Variants in GPR39 observed in about 807,000 individuals in gnomAD.
GPR39 encodes G protein-coupled receptor 39.
A neutral mutation model predicts 18.4 loss-of-function variants in GPR39; 23 were observed. That is an observed-to-expected ratio of 1.25 (90% CI 0.90 to 1.77). GPR39 has a LOEUF of 1.77. Ranked by LOEUF, GPR39 falls within the 40% of genes most tolerant of loss-of-function variation. GPR39 has a pLI of 0.00. For synonymous variants in GPR39, 280 were observed against 257.9 expected (o/e 1.09, Z -0.82); for missense variants, 647 against 602.4 (o/e 1.07, Z -0.78).
At chr2:132,494,367 C>G (rs1204341277) in intron 1 of GPR39, among the ~76,000 whole-genome samples, 2 of 152,130 alleles carry the variant, frequency 1.3e-5, no homozygotes, top group African/African-American at 4.8e-5. Flanking sequence ...CAGTAAAATC[C>G]AGGGTCCATG....
At chr2:132,418,018 C>T in intron 1 of GPR39, 120 bp downstream of exon 1, 1 of 1,278,422 alleles carries the variant, frequency 7.8e-7, no homozygotes, top group Non-Finnish European at 1.1e-6. Context: ...CTTAAGTTTA[C>T]TAAGGTGGAA....
At chr2:132,424,122 C>G (rs969145508) in intron 1 of GPR39, among the ~76,000 whole-genome samples, 7 of 152,096 alleles carry the variant, frequency 4.6e-5, no homozygotes, top group African/African-American at 1.7e-4. Context: ...CTAATCAGAC[C>G]CTGAATGTTA....
intron 1 of GPR39, chr2:132,418,667 T>G (rs1247777055): frequency 6.6e-6 from 1 of 152,224 alleles, no homozygotes; most frequent in Admixed American, 6.5e-5. Context: ...GTATTTAAAG[T>G]TGAGGCCTCG....
intron 1 of GPR39, among the ~76,000 whole-genome samples, chr2:132,543,745 C>T (rs574843903): frequency 1.3e-5 from 2 of 152,142 alleles, no homozygotes; most frequent in Admixed American, 1.3e-4. Flanking sequence ...CTGAACTGAA[C>T]TGGGGTCTCC....
At chr2:132,491,211 C>T (rs62167447) in intron 1 of GPR39, among the ~76,000 whole-genome samples, 3,763 of 152,114 alleles carry the variant, frequency 0.025, 93 homozygotes, top group African/African-American at 0.06. Context: ...AAGTATCTTT[C>T]GAACTAAACC....
intron 1 of GPR39, among the ~76,000 whole-genome samples, chr2:132,433,390 G>T (rs760494213): frequency 2.6e-5 from 4 of 152,052 alleles, no homozygotes; most frequent in African/African-American, 7.2e-5. Context: ...TCTGTGTGAC[G>T]CTAATCATCT....
chr2:132,451,418 A>G (rs569291830), intron 1 of GPR39, among the ~76,000 whole-genome samples: 2 of 152,252 alleles, frequency 1.3e-5, no homozygotes, highest in Admixed American at 6.5e-5. Context: ...TCATTGCTCT[A>G]TTCTCAGTGC....
intron 1 of GPR39, among the ~76,000 whole-genome samples, chr2:132,628,367 T>A (rs1361604551): frequency 6.6e-6 from 1 of 152,158 alleles, no homozygotes; most frequent in African/African-American, 2.4e-5. Flanking sequence ...GCCCACAGGC[T>A]TGGGTCACAT....
intron 1 of GPR39, among the ~76,000 whole-genome samples, chr2:132,537,325 G>A (rs570103824): frequency 1.3e-5 from 2 of 152,112 alleles, no homozygotes; most frequent in Non-Finnish European, 2.9e-5. Flanking sequence ...CTTCACTTAT[G>A]AGGCTTAGTT....
At chr2:132,442,502 C>T (rs1680457821) in intron 1 of GPR39, among the ~76,000 whole-genome samples, 1 of 152,208 alleles carries the variant, frequency 6.6e-6, no homozygotes. Context: ...TGCTTTCCTT[C>T]ATCTCTGGTC....
At chr2:132,428,750 A>G (rs939875601) in intron 1 of GPR39, among the ~76,000 whole-genome samples, 2 of 152,342 alleles carry the variant, frequency 1.3e-5, no homozygotes, top group Middle Eastern at 3.4e-3. Flanking sequence ...TGAATTGGGA[A>G]GGACTAAACT....
chr2:132,644,182 A>C (rs1473674166), intron 1 of GPR39, among the ~76,000 whole-genome samples: 1 of 152,194 alleles, frequency 6.6e-6, no homozygotes, highest in Non-Finnish European at 1.5e-5. Flanking sequence ...TATCTCTGTC[A>C]GTCAGAATTG....
chr2:132,593,619 G>T, intron 1 of GPR39, among the ~76,000 whole-genome samples: 1 of 152,170 alleles, frequency 6.6e-6, no homozygotes, highest in East Asian at 1.9e-4. Context: ...AGATGGGGTT[G>T]TCATGAACTG....
chr2:132,561,491 G>A (rs1173864755), intron 1 of GPR39, among the ~76,000 whole-genome samples: 6 of 152,088 alleles, frequency 3.9e-5, no homozygotes, highest in Admixed American at 2.0e-4. Flanking sequence ...GCAAGGAGCT[G>A]TGGCTTTCAA....
chr2:132,627,365 A>G (rs570886988), intron 1 of GPR39, among the ~76,000 whole-genome samples: 2 of 152,332 alleles, frequency 1.3e-5, no homozygotes, highest in East Asian at 3.9e-4. Context: ...TCCAAGTACA[A>G]CAGTGTGCAG....
At chr2:132,636,478 C>A (rs972959562) in intron 1 of GPR39, among the ~76,000 whole-genome samples, 3 of 152,176 alleles carry the variant, frequency 2.0e-5, no homozygotes, top group Admixed American at 6.5e-5. Flanking sequence ...CCTGAAATGC[C>A]CATGCAGGAG....
At chr2:132,484,296 C>T (rs1042220509) in intron 1 of GPR39, among the ~76,000 whole-genome samples, 2 of 152,198 alleles carry the variant, frequency 1.3e-5, no homozygotes, top group African/African-American at 4.8e-5. Flanking sequence ...TCCAGCTGTT[C>T]AGCAGACTAG....
At chr2:132,526,227 G>T (rs1679505796) in intron 1 of GPR39, among the ~76,000 whole-genome samples, 1 of 152,184 alleles carries the variant, frequency 6.6e-6, no homozygotes, top group South Asian at 2.1e-4. Flanking sequence ...GCATGCGGTA[G>T]ATGCACTGTA....
chr2:132,609,502 A>G (rs924810171), intron 1 of GPR39, among the ~76,000 whole-genome samples: 1 of 152,162 alleles, frequency 6.6e-6, no homozygotes, highest in Admixed American at 6.5e-5. Context: ...GGTTGAGTTG[A>G]ACTCCTAAGT....
Sources: gnomAD v4.1 joint callset for allele counts (sites outside exome capture counted in the v4.1 genomes callset) on GRCh38, gnomAD v4.1.1 for gene constraint, MANE v1.5 for transcripts, NCBI Gene and HGNC (gene_info 2026-07-23, HGNC 2026-07-21) for gene names.